The following ARHGAP31 variants were observed in gnomAD, a reference collection of about 807,000 sequenced individuals.
The protein encoded by ARHGAP31 is Rho GTPase activating protein 31.
Under a neutral mutation model 113.9 loss-of-function variants are expected in ARHGAP31, and 34 were observed. The observed-to-expected ratio is 0.30, with a 90% CI of 0.23 to 0.40. The LOEUF (loss-of-function observed/expected upper bound fraction) is 0.40. ARHGAP31 is among the 10% of genes least tolerant of loss of function. The probability of loss-of-function intolerance (pLI) is 1.00; values close to 1 mark genes in which losing one functional copy is unlikely to be tolerated. For synonymous variants in ARHGAP31, 650 were observed against 684.8 expected (o/e 0.95, Z 0.79); for missense variants, 1,548 against 1,767.1 (o/e 0.88, Z 2.22).
chr3:119,379,495 G>A (rs2080376984), intron 3 of ARHGAP31, among the ~76,000 whole-genome samples: 1 of 152,190 alleles, frequency 6.6e-6, no homozygotes, highest in Admixed American at 6.5e-5. Context: ...CATGCACACG[G>A]CAGCTAAAGG....
At position 119,420,067 on chromosome 3, in the gene ARHGAP31, C is replaced by T. The variant is rs557538078; in HGVS notation, c.*3803C>T. The T allele has an allele frequency of 8.5e-5, 13 of 152,216 alleles. No individual in the cohort carries two copies. The highest frequency in any genetic ancestry group is 1.3e-4 in the Non-Finnish European group (9 of 68,040). 9.4% of individuals were successfully genotyped at this position (152,216 alleles called of 1,614,324 possible). On this transcript the variant is annotated 3_prime_UTR_variant, in exon 12 of 12. Coordinates refer to ENST00000264245, the MANE Select transcript of ARHGAP31 (RefSeq NM_020754.4). ...TTGTCAGTGTTTGGCATATGATAAT[C>T]ACATTTGGCTAAAATTGGATGGGAC... is the stretch of plus-strand genomic sequence containing the variant.
Position 119,414,089 on chromosome 3 carries a change from G to C in ARHGAP31, c.2160G>C (p.Arg720Ser). 6.2e-7 allele frequency: 1 copy of C among 1,614,148 alleles called. No individual in the cohort carries two copies. The highest frequency in any genetic ancestry group is 8.5e-7 in the Non-Finnish European group (1 of 1,180,014). ...PVSTPLEVWT[R>S]DPANQSTQGA... ...CCACCCCTCTGGAGGTGTGGACTAG[G>C]GATCCAGCCAATCAGAGCACACAGG... Residue 720 changes from arginine to serine, a missense_variant, in exon 12 of 12, where the codon AGG becomes AGC. Coordinates refer to ENST00000264245, the MANE Select transcript of ARHGAP31 (RefSeq NM_020754.4).
intron 1 of ARHGAP31, among the ~76,000 whole-genome samples, chr3:119,303,123 AGTT>A (rs2079599815): frequency 6.6e-6 from 1 of 152,164 alleles, no homozygotes; most frequent in African/African-American, 2.4e-5. Context: ...ATCGATGGTG[AGTT>A]CCCCCGAAGG....
intron 7 of ARHGAP31, 72 bp from the exon 8 acceptor site, chr3:119,393,395 T>C: frequency 6.4e-7 from 1 of 1,568,822 alleles, no homozygotes; most frequent in South Asian, 1.1e-5. Flanking sequence ...ACTGGAATAT[T>C]TGGTCTCAAT....
At chr3:119,304,080 C>G (rs1390252690) in intron 1 of ARHGAP31, among the ~76,000 whole-genome samples, 1 of 152,168 alleles carries the variant, frequency 6.6e-6, no homozygotes, top group East Asian at 1.9e-4. Flanking sequence ...AGGTGTAAGC[C>G]ACCGCACCCG....
chr3:119,355,117 CT>C, intron 1 of ARHGAP31, among the ~76,000 whole-genome samples: 1 of 152,278 alleles, frequency 6.6e-6, no homozygotes, highest in Admixed American at 6.5e-5. Flanking sequence ...TTCTTCATCA[CT>C]TGTGGTATCA....
chr3:119,412,391 C>CAA (rs55718610), intron 11 of ARHGAP31, among the ~76,000 whole-genome samples: 21 of 127,134 alleles, frequency 1.7e-4, no homozygotes, highest in Non-Finnish European at 2.7e-4. Flanking sequence ...TCTTTTGTCT[C>CAA]AAAAAAAAAA....
At chr3:119,324,327 A>G (rs1482526431) in intron 1 of ARHGAP31, among the ~76,000 whole-genome samples, 1 of 152,242 alleles carries the variant, frequency 6.6e-6, no homozygotes, top group Non-Finnish European at 1.5e-5. Context: ...CGGATGTATT[A>G]TAACAATTTT....
chr3:119,420,534 G>A lies in ARHGAP31; in HGVS notation c.*4270G>A, dbSNP rs1044678263. 2 of 148,962 alleles carry A rather than the reference G, an allele frequency of 1.3e-5. No homozygotes were observed. The highest frequency in any genetic ancestry group is 5.0e-5 in the African/African-American group (2 of 40,318). The allele number at this position is 148,962 out of a possible 1,614,324, so 9.2% of individuals were successfully genotyped here. ...GTGTAGATCATTTAGTAATCTTGAG[G>A]TACATTAATAATGCAGAGATTACTT... On this transcript the variant is annotated 3_prime_UTR_variant, in exon 12 of 12. Coordinates refer to ENST00000264245, the MANE Select transcript of ARHGAP31 (RefSeq NM_020754.4).
rs1375401250 is a variant in ARHGAP31, at chr3:119,415,284, T to G, written c.3355T>G (p.Phe1119Val). The G allele has an allele frequency of 6.2e-7, 1 of 1,614,188 alleles. No homozygotes were observed. The highest frequency in any genetic ancestry group is 1.6e-4 in the Middle Eastern group (1 of 6,062). The part of the protein sequence containing the change: ...LDPAIPIADL[F>V]WFENVASFSS... ...CCCTGCCATTCCCATTGCTGACCTC[T>G]TCTGGTTTGAGAATGTGGCCTCATT... is the stretch of plus-strand genomic sequence containing the variant. Residue 1119 changes from phenylalanine (F) to valine (V), a missense_variant, in exon 12 of 12, where the codon TTC (phenylalanine) becomes GTC (valine). Phe to Val is a conservative substitution (Grantham distance 50). Coordinates refer to ENST00000264245, the MANE Select transcript of ARHGAP31 (RefSeq NM_020754.4).
chr3:119,299,256 T>A (rs1576982108), intron 1 of ARHGAP31, among the ~76,000 whole-genome samples: 1 of 152,330 alleles, frequency 6.6e-6, no homozygotes, highest in East Asian at 1.9e-4. Flanking sequence ...TTGTAATCTC[T>A]GCTCAGATTA....
At position 119,390,807 on chromosome 3, in the gene ARHGAP31, C is replaced by G; in HGVS notation, c.705C>G (p.Ser235Arg). ...CAGAAAACCGGCCCATCATGAAGAG[C>G]CTGACCTTGCCAGCCCTCTCCCTGC... is the stretch of plus-strand genomic sequence containing the variant. Reference protein sequence around the residue: ...ENDENRPIMKSLTLPALSLPM... With the variant: ...ENDENRPIMKRLTLPALSLPM... The change falls in exon 7 of 12, where the codon AGC (serine) becomes AGG (arginine). Residue 235 changes from serine to arginine, a missense_variant. Physicochemically the swap from Ser to Arg is moderately radical, Grantham distance 110. Coordinates refer to ENST00000264245, the MANE Select transcript of ARHGAP31 (RefSeq NM_020754.4). 1 of 1,612,834 alleles carries G rather than the reference C, an allele frequency of 6.2e-7. No individual in the cohort carries two copies. Among genetic ancestry groups the G allele is most frequent in the Non-Finnish European group, 8.5e-7 (1 of 1,180,014 alleles).
intron 1 of ARHGAP31, among the ~76,000 whole-genome samples, chr3:119,297,023 T>C (rs1003429699): frequency 2.0e-5 from 3 of 152,306 alleles, no homozygotes; most frequent in Non-Finnish European, 4.4e-5. Flanking sequence ...CTTTGAAGAC[T>C]GAACATACCT....
At chr3:119,361,374 CTT>C (rs555396093) in intron 1 of ARHGAP31, among the ~76,000 whole-genome samples, 24 of 132,248 alleles carry the variant, frequency 1.8e-4, no homozygotes, top group Admixed American at 3.0e-4. Flanking sequence ...TTCAACATTC[CTT>C]TTTTTTTTTT....
chr3:119,410,117 C>T (rs1030356074), intron 11 of ARHGAP31, among the ~76,000 whole-genome samples: 3 of 152,222 alleles, frequency 2.0e-5, no homozygotes, highest in Admixed American at 2.0e-4. Context: ...TGTCATACCC[C>T]AGTCCCAAAT....
intron 3 of ARHGAP31, among the ~76,000 whole-genome samples, chr3:119,378,586 G>T (rs916811211): frequency 6.6e-6 from 1 of 152,172 alleles, no homozygotes; most frequent in South Asian, 2.1e-4. Context: ...GCATGATTCC[G>T]GCTTTGCAGA....
intron 8 of ARHGAP31, among the ~76,000 whole-genome samples, chr3:119,394,357 C>T (rs1450278844): frequency 1.3e-5 from 2 of 152,136 alleles, no homozygotes; most frequent in African/African-American, 2.4e-5. Flanking sequence ...TGTCCCTTCT[C>T]CCCCAGGGTC....
chr3:119,384,829 C>T (rs2080435622), intron 6 of ARHGAP31, among the ~76,000 whole-genome samples: 1 of 152,140 alleles, frequency 6.6e-6, no homozygotes, highest in African/African-American at 2.4e-5. Context: ...TCCTCCCCCA[C>T]AGGCCCTGGC....
chr3:119,327,318 G>A (rs997897569), intron 1 of ARHGAP31, among the ~76,000 whole-genome samples: 21 of 151,990 alleles, frequency 1.4e-4, no homozygotes, highest in African/African-American at 3.6e-4. Context: ...TGAGGTGGGC[G>A]GATCACCTGA....
Sources: gnomAD v4.1 joint callset for allele counts (sites outside exome capture counted in the v4.1 genomes callset) on GRCh38, gnomAD v4.1.1 for gene constraint, MANE v1.5 for transcripts, NCBI Gene and HGNC (gene_info 2026-07-23, HGNC 2026-07-21) for gene names.